Variants in SYNE2 observed in about 807,000 individuals in gnomAD.
SYNE2 encodes the protein spectrin repeat containing nuclear envelope protein 2, also known as nesprin-2.
Under a neutral mutation model 856.3 loss-of-function variants are expected in SYNE2, and 431 were observed. That is an observed-to-expected ratio of 0.50 (90% CI 0.47 to 0.55). The LOEUF (loss-of-function observed/expected upper bound fraction) is 0.55, where lower values mean the gene tolerates loss of function less well. SYNE2 is among the 20% of genes least tolerant of loss of function. The pLI is 0.00. For missense variants in SYNE2, 8,129 were observed against 8,023.2 expected (o/e 1.01, Z -0.50); for synonymous variants, 2,923 against 2,872.3 (o/e 1.02, Z -0.56).
Position 63,969,588 on chromosome 14 carries a change from G to A in SYNE2, c.1128+1742G>A, listed in dbSNP as rs180900093. Among the ~76,000 whole-genome samples, 861 of 151,806 alleles carry A rather than the reference G, an allele frequency of 5.7e-3. 15 individuals carry two copies. Among genetic ancestry groups the A allele is most frequent in the African/African-American group, 0.019 (806 of 41,410 alleles). ...AATCTCCTGACCTCGTGATCCACCC[G>A]CCTCGGCCTCCCAAAGTGCTAGGAT... On this transcript the variant is annotated intron_variant, in intron 11 of 115. Coordinates refer to ENST00000555002, the MANE Select transcript of SYNE2 (RefSeq NM_182914.3).
Position 64,220,427 on chromosome 14 carries a change from T to C in SYNE2, c.19861-10T>C, listed in dbSNP as rs867787975. 1 of 1,614,088 alleles carries C rather than the reference T, an allele frequency of 6.2e-7. No homozygotes were observed. ...AGAGCTCCTAACCTCATCTTTTCTC[T>C]CTCTGGTAGGAGATACTGAAAGCCT... On this transcript the variant is annotated splice_polypyrimidine_tract_variant and intron_variant, in intron 110 of 115. Transcript: ENST00000555002.
At chr14:63,918,653 C>T (rs992205952) in intron 2 of SYNE2, among the ~76,000 whole-genome samples, 3 of 152,038 alleles carry the variant, frequency 2.0e-5, no homozygotes, top group Admixed American at 6.5e-5. Context: ...AGAGTAGCCA[C>T]GCGCTTTTGC....
chr14:64,000,240 A>C (rs1338353021), intron 27 of SYNE2, among the ~76,000 whole-genome samples: 1 of 152,256 alleles, frequency 6.6e-6, no homozygotes, highest in African/African-American at 2.4e-5. Context: ...CAGAGAAAAC[A>C]GAATATCTGT....
intron 104 of SYNE2, 84 bp downstream of exon 104, chr14:64,212,182 A>G (rs1235244062): frequency 2.4e-5 from 38 of 1,600,448 alleles, no homozygotes; most frequent in East Asian, 4.5e-5. Flanking sequence ...TTCACACGAT[A>G]CTCTGAGAGC....
intron 6 of SYNE2, among the ~76,000 whole-genome samples, chr14:63,948,768 ATG>A (rs1405881737): frequency 1.0e-3 from 48 of 48,126 alleles, no homozygotes; most frequent in African/African-American, 1.9e-3. Context: ...ATGTATATAT[ATG>A]TATGTGTGTG....
At chr14:64,047,312 G>C (rs551348318) in intron 45 of SYNE2, among the ~76,000 whole-genome samples, 1 of 151,980 alleles carries the variant, frequency 6.6e-6, no homozygotes, top group Non-Finnish European at 1.5e-5. Flanking sequence ...TTGGAATTAC[G>C]CAAAAAAGGT....
intron 2 of SYNE2, among the ~76,000 whole-genome samples, chr14:63,927,280 G>A (rs566744040): frequency 2.6e-5 from 4 of 152,314 alleles, no homozygotes; most frequent in South Asian, 4.1e-4. Flanking sequence ...AGATGCAGTG[G>A]CTCATGCCTG....
intron 3 of SYNE2, among the ~76,000 whole-genome samples, chr14:63,941,080 AC>A (rs1414698716): frequency 6.6e-6 from 1 of 152,232 alleles, no homozygotes; most frequent in Non-Finnish European, 1.5e-5. Flanking sequence ...ATAGTAATAT[AC>A]CTTTTTAAAG....
intron 6 of SYNE2, among the ~76,000 whole-genome samples, chr14:63,948,158 C>CACACACACAG (rs1555393040): frequency 1.7e-4 from 16 of 96,832 alleles, no homozygotes; most frequent in African/African-American, 5.4e-4. Flanking sequence ...CACACACAGA[C>CACACACACAG]ACACACATAC....
At chr14:64,215,524 C>T (rs192011063) in intron 107 of SYNE2, 170 bp downstream of exon 107, 6 of 735,030 alleles carry the variant, frequency 8.2e-6, no homozygotes, top group East Asian at 2.7e-5. Flanking sequence ...ACTGCGTGCT[C>T]CTTACAAAAC....
chr14:64,186,535 C>G lies in SYNE2; in HGVS notation c.17668C>G (p.Gln5890Glu). 6.2e-7 allele frequency: 1 copy of G among 1,614,132 alleles called. No homozygotes were observed. The highest frequency in any genetic ancestry group is 8.5e-7 in the Non-Finnish European group (1 of 1,180,026). The change falls in exon 97 of 116, where the codon CAA (glutamine) becomes GAA (glutamate). Residue 5890 changes from glutamine (Q) to glutamate (E), a missense_variant. Physicochemically the swap from Gln to Glu is conservative, Grantham distance 29. This residue lies in a region of SYNE2 where 5,410 missense variants were observed against 5,284.8 expected (regional missense o/e 1.02). Coordinates refer to ENST00000555002, the MANE Select transcript of SYNE2 (RefSeq NM_182914.3). Reference protein sequence around the residue: ...LVEDVMVLKEQIEHLHRQWED... With the variant: ...LVEDVMVLKEEIEHLHRQWED... ...GGAAGATGTGATGGTTTTGAAGGAGCAAATAGAGCATTTGCACAGACAATG... is the reference window on the plus strand; with the variant it reads ...GGAAGATGTGATGGTTTTGAAGGAGGAAATAGAGCATTTGCACAGACAATG...
chr14:63,867,747 G>A (rs954935132), intron 1 of SYNE2, among the ~76,000 whole-genome samples: 7 of 150,460 alleles, frequency 4.7e-5, no homozygotes, highest in Admixed American at 6.6e-5. Flanking sequence ...AAGAAAGAGA[G>A]AGAAAGAAAG....
At chr14:63,775,102 A>T (rs1196574258) in intron 1 of SYNE2, among the ~76,000 whole-genome samples, 1 of 151,976 alleles carries the variant, frequency 6.6e-6, no homozygotes, top group Non-Finnish European at 1.5e-5. Context: ...TCAACCTCCC[A>T]AGTAGCTGGG....
At position 64,170,438 on chromosome 14, in the gene SYNE2, C is replaced by T. The variant is rs2098405235; in HGVS notation, c.17211C>T (p.Thr5737=). 3.1e-6 allele frequency: 5 copies of T among 1,612,984 alleles called. No individual in the cohort carries two copies. The highest frequency in any genetic ancestry group is 4.2e-6 in the Non-Finnish European group (5 of 1,179,604). ...AGGAGCGCTTCAGCCTCTACCAAAC[C>T]AGAAGTCTGATCCATGAGCTGAAGG... ...KGQERFSLYQ[T]RSLIHELKNK... The change falls in exon 94 of 116, where the codon ACC becomes ACT. Residue 5737 remains threonine (T), a synonymous_variant. Coordinates refer to ENST00000555002, the MANE Select transcript of SYNE2 (RefSeq NM_182914.3).
rs114054283 is a variant in SYNE2, at chr14:63,809,123, A to G, written c.-304-43378A>G. On this transcript the variant is annotated intron_variant, in intron 1 of 23. Transcript: ENST00000674003. ...GATGTTTGGGTGGACCACTTGGCTCACAGGAATGATGTGCCACGATCTGCT... is the reference window on the plus strand; with the variant it reads ...GATGTTTGGGTGGACCACTTGGCTCGCAGGAATGATGTGCCACGATCTGCT... 4.6e-3 allele frequency among the ~76,000 whole-genome samples: 702 copies of G among 152,256 alleles called. 4 individuals carry two copies. The highest frequency in any genetic ancestry group is 0.016 in the African/African-American group (675 of 41,536).
Position 63,999,024 on chromosome 14 carries a change from A to G in SYNE2, c.3464A>G (p.Lys1155Arg). The change falls in exon 27 of 116, where the codon AAA (lysine) becomes AGA (arginine). Residue 1155 changes from lysine to arginine, a missense_variant. Physicochemically the swap from Lys to Arg is conservative, Grantham distance 26. Around this residue, in one of 3 missense-constraint regions of SYNE2, gnomAD observed 2,422 missense variants for 2,357.4 expected, o/e 1.03. Coordinates refer to ENST00000555002, the MANE Select transcript of SYNE2 (RefSeq NM_182914.3). Reference sequence around the variant, plus strand: ...AGGAGTAGTTCTTGTCTGCAGGCTAAACTGACAGATCTACAGGTAATTACC... The same window carrying G: ...AGGAGTAGTTCTTGTCTGCAGGCTAGACTGACAGATCTACAGGTAATTACC... ...EDRSSSCLQA[K>R]LTDLQVIKNE... 6.2e-7 allele frequency: 1 copy of G among 1,613,818 alleles called. No individual in the cohort carries two copies. Among genetic ancestry groups the G allele is most frequent in the Non-Finnish European group, 8.5e-7 (1 of 1,179,768 alleles).
At chr14:64,138,870 G>C (rs1303337912) in intron 79 of SYNE2, among the ~76,000 whole-genome samples, 1 of 151,446 alleles carries the variant, frequency 6.6e-6, no homozygotes, top group Non-Finnish European at 1.5e-5. Flanking sequence ...TGGGTGTTCA[G>C]CCAGCAGCAG....
chr14:64,116,705 C>T (rs1231482075), intron 66 of SYNE2, among the ~76,000 whole-genome samples: 3 of 152,116 alleles, frequency 2.0e-5, no homozygotes, highest in Non-Finnish European at 4.4e-5. Flanking sequence ...CATGAGCCAC[C>T]GTGCCCGGCC....
intron 60 of SYNE2, 134 bp from the exon 61 acceptor site, chr14:64,093,215 C>A: frequency 1.0e-6 from 1 of 986,164 alleles, no homozygotes; most frequent in Non-Finnish European, 1.5e-6. Flanking sequence ...TAGGCTACCA[C>A]GTCCTATTGA....
Sources: gnomAD v4.1 joint callset for allele counts (sites outside exome capture counted in the v4.1 genomes callset) on GRCh38, gnomAD v4.1.1 for gene constraint, gnomAD v4.1.1 regional missense constraint, MANE v1.5 for transcripts, NCBI Gene and HGNC (gene_info 2026-07-23, HGNC 2026-07-21) for gene names.